The following DYM variants were observed in gnomAD, a reference collection of about 807,000 sequenced individuals.
The protein encoded by DYM is dymeclin.
In DYM, 78 loss-of-function variants were observed where a neutral mutation model predicts 93.1. The observed-to-expected ratio is 0.84, with a 90% CI of 0.70 to 1.01. The LOEUF (loss-of-function observed/expected upper bound fraction) is 1.01. Among genes scored for constraint, DYM ranks in the 50% least tolerant of loss-of-function variants. The pLI is 0.00. For synonymous variants in DYM, 321 were observed against 319.7 expected, an observed-to-expected ratio of 1.00 and a Z score of -0.04; for missense variants, 789 against 845.0, an observed-to-expected ratio of 0.93 and a Z score of 0.82.
intron 11 of DYM, among the ~76,000 whole-genome samples, chr18:49,270,476 G>A (rs2094666249): frequency 6.6e-6 from 1 of 152,168 alleles, no homozygotes; most frequent in Non-Finnish European, 1.5e-5. Context: ...CAGGTATATG[G>A]CATGAAGTCT....
intron 17 of DYM, among the ~76,000 whole-genome samples, chr18:49,060,143 A>G (rs764140874): frequency 6.6e-6 from 1 of 152,208 alleles, no homozygotes; most frequent in Non-Finnish European, 1.5e-5. Context: ...GTTAGAAAGT[A>G]CAATGCAATA....
At chr18:49,115,070 A>C (rs1225714132) in intron 16 of DYM, among the ~76,000 whole-genome samples, 1 of 152,236 alleles carries the variant, frequency 6.6e-6, no homozygotes, top group Non-Finnish European at 1.5e-5. Flanking sequence ...CAAGTTAATT[A>C]ATCTTTCTAA....
At chr18:49,304,710 A>G (rs188448471) in intron 8 of DYM, among the ~76,000 whole-genome samples, 60 of 152,120 alleles carry the variant, frequency 3.9e-4, no homozygotes, top group African/African-American at 1.4e-3. Flanking sequence ...CCATCCATCA[A>G]CGTTTCTTGC....
chr18:49,425,500 T>A (rs2074187015), intron 2 of DYM, among the ~76,000 whole-genome samples: 1 of 152,042 alleles, frequency 6.6e-6, no homozygotes, highest in Non-Finnish European at 1.5e-5. Flanking sequence ...ACTTCATGTC[T>A]AAAACACCAA....
At chr18:49,364,401 C>T (rs552363648) in intron 5 of DYM, among the ~76,000 whole-genome samples, 248 of 151,558 alleles carry the variant, frequency 1.6e-3, no homozygotes, top group Non-Finnish European at 2.7e-3. Context: ...ACTGAGGTCG[C>T]GCCACAGCAC....
intron 14 of DYM, among the ~76,000 whole-genome samples, chr18:49,203,461 G>A (rs2145953894): frequency 6.7e-6 from 1 of 148,290 alleles, no homozygotes; most frequent in Admixed American, 6.6e-5. Context: ...TGCCGTGTCT[G>A]TGTGAAAGAA....
At chr18:49,369,555 G>C (rs1328000551) in intron 5 of DYM, among the ~76,000 whole-genome samples, 1 of 152,150 alleles carries the variant, frequency 6.6e-6, no homozygotes, top group Non-Finnish European at 1.5e-5. Flanking sequence ...GATCAGTGAA[G>C]CTCATCATTA....
intron 17 of DYM, among the ~76,000 whole-genome samples, chr18:49,063,298 ATTTCT>A (rs2076128462): frequency 6.8e-6 from 1 of 148,090 alleles, no homozygotes; most frequent in Non-Finnish European, 1.5e-5. Flanking sequence ...GAAAAGCCAG[ATTTCT>A]TTTCTTTTTT....
At chr18:49,317,800 T>A (rs542406642) in intron 8 of DYM, among the ~76,000 whole-genome samples, 22 of 151,714 alleles carry the variant, frequency 1.5e-4, no homozygotes, top group Non-Finnish European at 2.8e-4. Context: ...AGACTGCTCA[T>A]ATCATTCTAA....
chr18:49,291,864 T>A (rs76679027), intron 8 of DYM, among the ~76,000 whole-genome samples: 12,208 of 152,242 alleles, frequency 0.08, 771 homozygotes, highest in East Asian at 0.31. Context: ...AGCCAAGTAT[T>A]AATTATTTGC....
intron 2 of DYM, among the ~76,000 whole-genome samples, chr18:49,416,487 C>A (rs573691685): frequency 1.4e-4 from 21 of 152,318 alleles, no homozygotes; most frequent in African/African-American, 5.1e-4. Flanking sequence ...CTGCTCAGAG[C>A]TGCTCTCAAA....
At chr18:49,449,009 G>C (rs2082318083) in intron 1 of DYM, among the ~76,000 whole-genome samples, 1 of 152,054 alleles carries the variant, frequency 6.6e-6, no homozygotes, top group Non-Finnish European at 1.5e-5. Flanking sequence ...CCCTTATTTA[G>C]GGCCACCTCC....
chr18:49,333,727 C>T lies in DYM; in HGVS notation c.620+1G>A. ...TAGACATACTTAAAGTAGAAACATA[C>T]CATGGACCTCGCATCAAATACTTGT... On this transcript the variant is annotated splice_donor_variant, in intron 7 of 17. Coordinates refer to ENST00000675505, the MANE Select transcript of DYM (RefSeq NM_001353214.3). LOFTEE classifies it high-confidence loss of function. 6.2e-7 allele frequency: 1 copy of T among 1,613,744 alleles called. No individual in the cohort carries two copies. The highest frequency in any genetic ancestry group is 1.1e-5 in the South Asian group (1 of 91,064).
chr18:49,423,568 G>C (rs1459096509), intron 2 of DYM, among the ~76,000 whole-genome samples: 2 of 152,110 alleles, frequency 1.3e-5, no homozygotes, highest in Non-Finnish European at 2.9e-5. Flanking sequence ...AGGAGATAGA[G>C]ACACAAAAAA....
intron 13 of DYM, among the ~76,000 whole-genome samples, chr18:49,254,243 T>C (rs2094344796): frequency 6.7e-6 from 1 of 149,794 alleles, no homozygotes; most frequent in Non-Finnish European, 1.5e-5. Context: ...ATAATATATA[T>C]TTCATATAAC....
chr18:49,183,083 C>CGT (rs754727166), intron 14 of DYM, among the ~76,000 whole-genome samples: 1 of 152,002 alleles, frequency 6.6e-6, no homozygotes, highest in Non-Finnish European at 1.5e-5. Flanking sequence ...GGTGATTGCA[C>CGT]ATTTTTTTTC....
chr18:49,249,357 T>C (rs1271885999), intron 13 of DYM, among the ~76,000 whole-genome samples: 1 of 149,656 alleles, frequency 6.7e-6, no homozygotes, highest in Admixed American at 6.6e-5. Context: ...TCATATATTA[T>C]GTTATTACAT....
intron 12 of DYM, among the ~76,000 whole-genome samples, chr18:49,257,560 G>GA (rs1208667368): frequency 6.6e-6 from 1 of 152,174 alleles, no homozygotes; most frequent in Non-Finnish European, 1.5e-5. Flanking sequence ...AATGGGCTGG[G>GA]AGTAGGGGCT....
chr18:49,414,549 G>C (rs1374178656), intron 2 of DYM, among the ~76,000 whole-genome samples: 1 of 152,090 alleles, frequency 6.6e-6, no homozygotes, highest in Non-Finnish European at 1.5e-5. Flanking sequence ...TATGTTATTT[G>C]TTTCGTGTTG....
Sources: allele counts gnomAD v4.1 joint callset (sites outside exome capture counted in the v4.1 genomes callset), GRCh38; gene constraint gnomAD v4.1.1; transcripts MANE v1.5; gene names NCBI Gene and HGNC (gene_info 2026-07-23, HGNC 2026-07-21).